The following SARM1 variants were observed in gnomAD, a reference collection of about 807,000 sequenced individuals.
The protein encoded by SARM1 is NAD(+) hydrolase SARM1.
Under a neutral mutation model 65.1 loss-of-function variants are expected in SARM1, and 60 were observed. The ratio of observed to expected loss-of-function variants is 0.92; its 90% CI spans 0.75 to 1.14. The LOEUF is 1.14. SARM1 is among the 50% of genes most tolerant of loss of function. The pLI, the probability that SARM1 is intolerant of heterozygous loss-of-function variation, is 0.00. For synonymous variants in SARM1, 417 were observed against 465.4 expected, an observed-to-expected ratio of 0.90 and a Z score of 1.34; for missense variants, 913 against 1,015.7, an observed-to-expected ratio of 0.90 and a Z score of 1.37.
chr17:28,396,437 C>T lies in SARM1; in HGVS notation c.*151C>T, dbSNP rs1201902804. ...TCCCCCTGTCCCCCACCCTCATGGCCCACCTCCAACCCACTTTCCTCAGTA... is the reference window on the plus strand; with the variant it reads ...TCCCCCTGTCCCCCACCCTCATGGCTCACCTCCAACCCACTTTCCTCAGTA... On this transcript the variant is annotated 3_prime_UTR_variant, in exon 9 of 9. Coordinates refer to ENST00000585482, the MANE Select transcript of SARM1 (RefSeq NM_015077.4). 1.2e-6 allele frequency: 1 copy of T among 845,040 alleles called. No homozygotes were observed. The highest frequency in any genetic ancestry group is 1.7e-5 in the African/African-American group (1 of 58,536). The allele number at this position is 845,040 out of a possible 1,614,324, so 52.3% of individuals were successfully genotyped here.
chr17:28,380,074 GTCTC>G (rs1200675143), intron 1 of SARM1, among the ~76,000 whole-genome samples: 6 of 61,158 alleles, frequency 9.8e-5, no homozygotes, highest in Admixed American at 1.7e-4. Flanking sequence ...TTTTTTTTCT[GTCTC>G]TCTCTCTCTT....
Position 28,385,467 on chromosome 17 carries a change from G to A in SARM1, c.1630+192G>A, listed in dbSNP as rs1487912527. The A allele has an allele frequency of 3.4e-6, 2 of 585,192 alleles. No homozygotes were observed. The highest frequency in any genetic ancestry group is 3.0e-5 in the East Asian group (1 of 33,390). The allele number at this position is 585,192 out of a possible 1,614,324, so 36.2% of individuals were successfully genotyped here. On this transcript the variant is annotated intron_variant, in intron 5 of 8. Transcript: ENST00000585482. The surrounding 1 kb of genome is among the most constrained non-coding windows in gnomAD (Gnocchi z 4.5). Reference sequence around the variant, plus strand: ...TACCTCAAGAAGTTCCCAGTCTGAGGTGGGTAGGCGGTGGGAGGAAGGAGG... The same window carrying A: ...TACCTCAAGAAGTTCCCAGTCTGAGATGGGTAGGCGGTGGGAGGAAGGAGG...
chr17:28,376,363 G>A lies in SARM1; in HGVS notation c.470+3861G>A, dbSNP rs1053419575. Among the ~76,000 whole-genome samples the A allele has an allele frequency of 1.3e-4, 18 of 135,364 alleles. No individual in the cohort carries two copies. In the South Asian group the frequency reaches 1.4e-3, roughly 11 times the overall value. 88.8% of individuals were successfully genotyped at this position (135,364 alleles called of 152,430 possible). On this transcript the variant is annotated intron_variant, in intron 1 of 8. Transcript: ENST00000585482. ...CGTTTGAGGTCAGGAGTTCAAGACC[G>A]CCTGGCCAACATGGTAAAACTCTGT...
chr17:28,402,377 G>T lies in SARM1; in HGVS notation c.*6091G>T. On this transcript the variant is annotated 3_prime_UTR_variant, in exon 9 of 9. Coordinates refer to ENST00000585482, the MANE Select transcript of SARM1 (RefSeq NM_015077.4). ...TGGGGCTGGGGAGAGGGGCGTCCAA[G>T]GGAAAGGCAGCAGAGCTCCTATCCA... 1 of 1,478,020 alleles carries T rather than the reference G, an allele frequency of 6.8e-7. No homozygotes were observed. The highest frequency in any genetic ancestry group is 9.4e-7 in the Non-Finnish European group (1 of 1,068,856). The allele number at this position is 1,478,020 out of a possible 1,614,324, so 91.6% of individuals were successfully genotyped here. A position where few individuals can be genotyped will look rare whatever the true frequency, so the allele number is the denominator to read the frequency against.
chr17:28,400,875 C>G lies in SARM1; in HGVS notation c.*4589C>G. 2 of 950,714 alleles carry G rather than the reference C, an allele frequency of 2.1e-6. No homozygotes were observed. The highest frequency in any genetic ancestry group is 2.8e-5 in the South Asian group (2 of 71,258). The allele number at this position is 950,714 out of a possible 1,614,324, so 58.9% of individuals were successfully genotyped here. A position where few individuals can be genotyped will look rare whatever the true frequency, so the allele number is the denominator to read the frequency against. ...GGGAGTAGTCACTTAACCTATGTCTCCCCTTCCTCACCAGTAAATCCTGCT... is the reference window on the plus strand; with the variant it reads ...GGGAGTAGTCACTTAACCTATGTCTGCCCTTCCTCACCAGTAAATCCTGCT... On this transcript the variant is annotated 3_prime_UTR_variant, in exon 9 of 9. Coordinates refer to ENST00000585482, the MANE Select transcript of SARM1 (RefSeq NM_015077.4).
In SARM1 at chr17:28,372,825, G is replaced by T. The variant is rs2067966272; in HGVS notation, c.470+323G>T. Reference sequence around the variant, plus strand: ...CTATTGCCAATTCTCCCTCTCCCCCGCCCCCCAAGCCCACAGCTCTCCTTC... The same window carrying T: ...CTATTGCCAATTCTCCCTCTCCCCCTCCCCCCAAGCCCACAGCTCTCCTTC... On this transcript the variant is annotated intron_variant, in intron 1 of 8. Coordinates refer to ENST00000585482, the MANE Select transcript of SARM1 (RefSeq NM_015077.4). This position sits in a 1 kb window ranked among gnomAD's most constrained non-coding sequence, Gnocchi z 5.2. 6.6e-6 allele frequency among the ~76,000 whole-genome samples: 1 copy of T among 151,928 alleles called. No individual in the cohort carries two copies. Among genetic ancestry groups the T allele is most frequent in the Non-Finnish European group, 1.5e-5 (1 of 67,986 alleles).
rs1555587979 is a variant in SARM1, at chr17:28,396,293, C to T, written c.*7C>T. On this transcript the variant is annotated 3_prime_UTR_variant, in exon 9 of 9. Coordinates refer to ENST00000585482, the MANE Select transcript of SARM1 (RefSeq NM_015077.4). ...ACCCATGGGTCCAACCTAACCAGTC[C>T]CCAGTTCCCCAGCCCTGCTGTGACT... The T allele has an allele frequency of 1.9e-6, 3 of 1,613,730 alleles. No individual in the cohort carries two copies. In the South Asian group the frequency reaches 3.3e-5, roughly 18 times the overall value.
chr17:28,389,498 C>T (rs1555586590), intron 7 of SARM1, among the ~76,000 whole-genome samples: 3 of 152,202 alleles, frequency 2.0e-5, no homozygotes, highest in African/African-American at 7.2e-5. Flanking sequence ...GGTTATTAAT[C>T]ATTAATCGGT....
chr17:28,380,521 G>A (rs563605393), intron 1 of SARM1, among the ~76,000 whole-genome samples: 93 of 152,226 alleles, frequency 6.1e-4, no homozygotes, highest in Non-Finnish European at 1.0e-3. Flanking sequence ...TTCCTCCATC[G>A]CCCTGAGGAT....
Position 28,384,934 on chromosome 17 carries a change from C to A in SARM1, c.1394+4C>A. 1 of 1,570,126 alleles carries A rather than the reference C, an allele frequency of 6.4e-7. No homozygotes were observed. The highest frequency in any genetic ancestry group is 8.6e-7 in the Non-Finnish European group (1 of 1,157,554). ...AATCGGGCATCACCCGCAAGAGGTA[C>A]GGAGCCTCCTGCCCGCCGGACCCCA... On this transcript the variant is annotated splice_donor_region_variant and intron_variant, in intron 4 of 8. Coordinates refer to ENST00000585482, the MANE Select transcript of SARM1 (RefSeq NM_015077.4). The surrounding 1 kb of genome is among the most constrained non-coding windows in gnomAD (Gnocchi z 4.4).
chr17:28,375,594 TAAAA>T (rs201007293), intron 1 of SARM1, among the ~76,000 whole-genome samples: 2 of 94,822 alleles, frequency 2.1e-5, no homozygotes, highest in Non-Finnish European at 2.2e-5. Context: ...AGACTCCATC[TAAAA>T]AAAAAAAAAA....
chr17:28,377,330 C>G (rs2067997883), intron 1 of SARM1, among the ~76,000 whole-genome samples: 1 of 149,974 alleles, frequency 6.7e-6, no homozygotes, highest in African/African-American at 2.5e-5. Context: ...TGGTTCATGC[C>G]TGTATTCCCA....
In SARM1 at chr17:28,395,671, T is replaced by A. The variant is rs1031838882; in HGVS notation, c.1924-234T>A. Reference sequence around the variant, plus strand: ...TCTCTTTAGCATACAAAGACACTCATCACTCAAGAGATTCCAAGGGTTTTA... The same window carrying A: ...TCTCTTTAGCATACAAAGACACTCAACACTCAAGAGATTCCAAGGGTTTTA... On this transcript the variant is annotated intron_variant, in intron 7 of 8. Coordinates refer to ENST00000585482, the MANE Select transcript of SARM1 (RefSeq NM_015077.4). The A allele has an allele frequency of 8.3e-5, 42 of 503,108 alleles. No homozygotes were observed. Among genetic ancestry groups the A allele is most frequent in the Non-Finnish European group, 1.3e-4 (37 of 279,174 alleles). 31.2% of individuals were successfully genotyped at this position (503,108 alleles called of 1,614,324 possible).
In SARM1 at chr17:28,399,594, G is replaced by A. The variant is rs782118481; in HGVS notation, c.*3308G>A. On this transcript the variant is annotated 3_prime_UTR_variant, in exon 9 of 9. Coordinates refer to ENST00000585482, the MANE Select transcript of SARM1 (RefSeq NM_015077.4). Reference sequence around the variant, plus strand: ...GCTGTGGGCTGGGCTTCCAGCTGCAGACCTCCAGTTGCTTGGTGTTCACTT... The same window carrying A: ...GCTGTGGGCTGGGCTTCCAGCTGCAAACCTCCAGTTGCTTGGTGTTCACTT... The A allele has an allele frequency of 3.5e-5, 54 of 1,563,880 alleles. No individual in the cohort carries two copies. The highest frequency in any genetic ancestry group is 5.4e-5 in the African/African-American group (4 of 73,944).
At chr17:28,373,852 A>G (rs1555584314) in intron 1 of SARM1, 1 of 152,268 alleles carries the variant, frequency 6.6e-6, no homozygotes, top group Non-Finnish European at 1.5e-5. Flanking sequence ...CACCTGGTTC[A>G]GAGTTACCGA....
Position 28,372,567 on chromosome 17 carries a change from C to G in SARM1, c.470+65C>G. ...TGTGGACAGTTAAGCGCCTGCGTTC[C>G]CGTGTGCCTTGCGCCGTGCCTTTGC... On this transcript the variant is annotated intron_variant, in intron 1 of 8. Transcript: ENST00000585482. This position sits in a 1 kb window ranked among gnomAD's most constrained non-coding sequence, Gnocchi z 5.2. 1.5e-6 allele frequency: 2 copies of G among 1,314,682 alleles called. No individual in the cohort carries two copies. The highest frequency in any genetic ancestry group is 2.6e-4 in the Middle Eastern group (1 of 3,788). The allele number at this position is 1,314,682 out of a possible 1,614,324, so 81.4% of individuals were successfully genotyped here.
Position 28,372,423 on chromosome 17 carries a change from C to G in SARM1, c.391C>G (p.Arg131Gly), listed in dbSNP as rs1389320808. 13 of 1,529,714 alleles carry G rather than the reference C, an allele frequency of 8.5e-6. No individual in the cohort carries two copies. The highest frequency in any genetic ancestry group is 1.1e-5 in the Non-Finnish European group (13 of 1,144,946). 94.8% of individuals were successfully genotyped at this position (1,529,714 alleles called of 1,614,324 possible). Residue 131 changes from arginine (R) to glycine (G), a missense_variant, in exon 1 of 9, where the codon CGG (arginine) becomes GGG (glycine). Arg to Gly is a moderately radical substitution (Grantham distance 125). Coordinates refer to ENST00000585482, the MANE Select transcript of SARM1 (RefSeq NM_015077.4). This position sits in a 1 kb window ranked among gnomAD's most constrained non-coding sequence, Gnocchi z 5.2. ...CGATGGCGGCCTCGACCTGCTGTTG[C>G]GGCTGCTGCAGGCGCCGGAGTTGGA... ...RLDGGLDLLLRLLQAPELETR... is the reference protein window; with the variant it reads ...RLDGGLDLLLGLLQAPELETR...
chr17:28,402,366 GGGGCGTCCAAGGGAAA>G lies in SARM1; in HGVS notation c.*6083_*6098del. ...CATCAGGAAAATGGGGCTGGGGAGA[GGGGCGTCCAAGGGAAA>G]GGCAGCAGAGCTCCTATCCATACCC... is the stretch of plus-strand genomic sequence containing the variant. On this transcript the variant is annotated 3_prime_UTR_variant, in exon 9 of 9. Transcript: ENST00000585482. The G allele has an allele frequency of 6.4e-7, 1 of 1,552,718 alleles. No individual in the cohort carries two copies. Among genetic ancestry groups the G allele is most frequent in the Non-Finnish European group, 8.8e-7 (1 of 1,131,788 alleles).
Position 28,402,000 on chromosome 17 carries a change from A to G in SARM1, c.*5714A>G. 2 of 426,320 alleles carry G rather than the reference A, an allele frequency of 4.7e-6. No individual in the cohort carries two copies. Among genetic ancestry groups the G allele is most frequent in the Admixed American group, 3.7e-5 (1 of 27,168 alleles). 26.4% of individuals were successfully genotyped at this position (426,320 alleles called of 1,614,324 possible). A position where few individuals can be genotyped will look rare whatever the true frequency, so the allele number is the denominator to read the frequency against. The stretch of plus-strand genomic sequence containing the variant: ...AAATCCTCTGCTCTGGTTATCTAGA[A>G]AGAACATAATTGTGCTCTGCTGACT... On this transcript the variant is annotated 3_prime_UTR_variant, in exon 9 of 9. Coordinates refer to ENST00000585482, the MANE Select transcript of SARM1 (RefSeq NM_015077.4).
Sources: allele counts gnomAD v4.1 joint callset (sites outside exome capture counted in the v4.1 genomes callset), GRCh38; gene constraint gnomAD v4.1.1; non-coding constraint Gnocchi (gnomAD v3.1); transcripts MANE v1.5; gene names NCBI Gene and HGNC (gene_info 2026-07-23, HGNC 2026-07-21).